CNTN5: variants seen among roughly 807,000 people sequenced by gnomAD.
The protein encoded by CNTN5 is contactin-5.
A neutral mutation model predicts 129.1 loss-of-function variants in CNTN5; 77 were observed. The observed-to-expected ratio is 0.60, with a 90% CI of 0.50 to 0.72. The LOEUF is 0.72. CNTN5 is among the 30% of genes least tolerant of loss of function. The probability of loss-of-function intolerance (pLI) is 0.00; values close to 1 mark genes in which losing one functional copy is unlikely to be tolerated. For synonymous variants in CNTN5, 509 were observed against 465.6 expected, an observed-to-expected ratio of 1.09 and a Z score of -1.20; for missense variants, 1,478 against 1,328.8, an observed-to-expected ratio of 1.11 and a Z score of -1.75.
chr11:99,467,924 A>G (rs900853669), intron 2 of CNTN5, among the ~76,000 whole-genome samples: 3 of 152,138 alleles, frequency 2.0e-5, no homozygotes, highest in Non-Finnish European at 2.9e-5. Flanking sequence ...ATTGGGAAAC[A>G]TAAGATTCTA....
chr11:99,162,480 G>A (rs1159075784), intron 1 of CNTN5, among the ~76,000 whole-genome samples: 1 of 152,050 alleles, frequency 6.6e-6, no homozygotes, highest in African/African-American at 2.4e-5. Flanking sequence ...ATCAAAGACT[G>A]AAACCATCTA....
chr11:99,291,513 T>C (rs546735339), intron 1 of CNTN5, among the ~76,000 whole-genome samples: 2 of 152,044 alleles, frequency 1.3e-5, no homozygotes, highest in East Asian at 3.9e-4. Context: ...TGATTTTATT[T>C]CTAAAAAATG....
At chr11:100,347,141 G>C (rs1289198192) in intron 23 of CNTN5, among the ~76,000 whole-genome samples, 1 of 152,022 alleles carries the variant, frequency 6.6e-6, no homozygotes, top group African/African-American at 2.4e-5. Flanking sequence ...AATACAAACA[G>C]AGGTTCTCAT....
Position 100,299,185 on chromosome 11 carries a change from T to G in CNTN5, c.2409T>G (p.Asn803Lys), listed in dbSNP as rs765201536. The change falls in exon 20 of 25, where the codon AAT becomes AAG. Residue 803 changes from asparagine to lysine, a missense_variant. Physicochemically the swap from Asn to Lys is moderately conservative, Grantham distance 94. Transcript: ENST00000524871. ...AWEPVSEEFQNGEGFGYIVAF... is the reference protein window; with the variant it reads ...AWEPVSEEFQKGEGFGYIVAF... ...AGCCAGTATCTGAAGAGTTTCAGAA[T>G]GGGGAAGGCTTCGGCTATATTGTGG... 6.2e-7 allele frequency: 1 copy of G among 1,606,664 alleles called. No individual in the cohort carries two copies. Among genetic ancestry groups the G allele is most frequent in the African/African-American group, 1.3e-5 (1 of 74,614 alleles).
chr11:100,265,207 A>G (rs1950277807), intron 17 of CNTN5, among the ~76,000 whole-genome samples: 2 of 152,072 alleles, frequency 1.3e-5, no homozygotes, highest in Non-Finnish European at 2.9e-5. Flanking sequence ...AATTGTATTT[A>G]CCCTTCATGG....
intron 13 of CNTN5, among the ~76,000 whole-genome samples, chr11:100,122,806 G>C (rs1329858209): frequency 6.6e-6 from 1 of 151,936 alleles, no homozygotes; most frequent in East Asian, 1.9e-4. Context: ...AAAGTACTTT[G>C]GATTTTTTCC....
chr11:99,634,198 C>T (rs1175999137), intron 3 of CNTN5, among the ~76,000 whole-genome samples: 1 of 152,016 alleles, frequency 6.6e-6, no homozygotes, highest in Non-Finnish European at 1.5e-5. Flanking sequence ...AATTCAAAAC[C>T]TGATTAACGT....
chr11:100,027,413 G>C (rs901903632), intron 9 of CNTN5, among the ~76,000 whole-genome samples: 3 of 152,062 alleles, frequency 2.0e-5, no homozygotes, highest in Admixed American at 2.0e-4. Context: ...CACTGTTAAG[G>C]TTAAGACCTT....
At chr11:99,638,865 C>T (rs974552116) in intron 3 of CNTN5, among the ~76,000 whole-genome samples, 41 of 152,114 alleles carry the variant, frequency 2.7e-4, no homozygotes, top group Admixed American at 2.7e-3. Flanking sequence ...GTGCATGGTG[C>T]AAGCCATCAG....
chr11:100,326,502 C>A (rs1042738338), intron 21 of CNTN5, among the ~76,000 whole-genome samples: 6 of 152,126 alleles, frequency 3.9e-5, no homozygotes, highest in African/African-American at 1.4e-4. Context: ...ATACACATCC[C>A]TATATCTTCC....
chr11:99,734,150 A>G (rs1039033849), intron 3 of CNTN5, among the ~76,000 whole-genome samples: 1 of 152,184 alleles, frequency 6.6e-6, no homozygotes, highest in Non-Finnish European at 1.5e-5. Flanking sequence ...TACGTGAGAA[A>G]TTTTGATATG....
chr11:100,149,757 T>A (rs1252360071), intron 13 of CNTN5, among the ~76,000 whole-genome samples: 1 of 151,788 alleles, frequency 6.6e-6, no homozygotes, highest in African/African-American at 2.4e-5. Flanking sequence ...TAGCCAGGCA[T>A]GGTGGCGGGT....
At chr11:99,348,718 T>G (rs984268375) in intron 2 of CNTN5, among the ~76,000 whole-genome samples, 1 of 152,202 alleles carries the variant, frequency 6.6e-6, no homozygotes, top group African/African-American at 2.4e-5. Context: ...TGACAGTGTG[T>G]ATGTGTGTGT....
At chr11:100,313,918 T>G (rs921040847) in intron 21 of CNTN5, among the ~76,000 whole-genome samples, 2 of 152,016 alleles carry the variant, frequency 1.3e-5, no homozygotes, top group Non-Finnish European at 2.9e-5. Flanking sequence ...TGCCAAGAGA[T>G]CAAGTGAGAT....
chr11:99,782,897 C>T (rs1945365183), intron 3 of CNTN5, among the ~76,000 whole-genome samples: 1 of 151,724 alleles, frequency 6.6e-6, no homozygotes, highest in African/African-American at 2.4e-5. Context: ...CTAGGCATTA[C>T]CATTCAGGAC....
At chr11:99,847,152 A>G (rs548774203) in intron 6 of CNTN5, among the ~76,000 whole-genome samples, 6 of 152,364 alleles carry the variant, frequency 3.9e-5, no homozygotes, top group Admixed American at 6.5e-5. Context: ...CCAGTTAGCT[A>G]TAGCCTGTAT....
intron 13 of CNTN5, among the ~76,000 whole-genome samples, chr11:100,105,950 T>C (rs1341367232): frequency 6.6e-6 from 1 of 152,206 alleles, no homozygotes; most frequent in East Asian, 1.9e-4. Context: ...AGTGGAACTC[T>C]GATGCTTAAT....
chr11:99,693,768 T>G lies in CNTN5; in HGVS notation c.56-125776T>G, dbSNP rs149682036. ...ATTTATAATAATGTGACGTGTATGT[T>G]TTTAGAATGGATAAAAATTGACAAC... On this transcript the variant is annotated intron_variant, in intron 3 of 24. Transcript: ENST00000524871. Among the ~76,000 whole-genome samples the G allele has an allele frequency of 3.4e-3, 517 of 152,254 alleles. 5 individuals carry two copies. Among genetic ancestry groups the G allele is most frequent in the African/African-American group, 0.012 (482 of 41,566 alleles).
chr11:99,825,863 T>G (rs1452770992), intron 4 of CNTN5, among the ~76,000 whole-genome samples: 2 of 152,128 alleles, frequency 1.3e-5, no homozygotes, highest in African/African-American at 2.4e-5. Context: ...TTTTTGCTTA[T>G]TCACCCAGCA....
Sources: gnomAD v4.1 joint callset for allele counts (sites outside exome capture counted in the v4.1 genomes callset) on GRCh38, gnomAD v4.1.1 for gene constraint, MANE v1.5 for transcripts, NCBI Gene and HGNC (gene_info 2026-07-23, HGNC 2026-07-21) for gene names.